The following ZBTB20 variants were observed in gnomAD, a reference collection of about 807,000 sequenced individuals.
ZBTB20 encodes zinc finger and BTB domain containing 20.
ZBTB20 carries 9 observed loss-of-function variants against 56.9 expected under a neutral mutation model. The ratio of observed to expected loss-of-function variants is 0.16; its 90% confidence interval spans 0.10 to 0.28. The LOEUF is 0.28. ZBTB20 is among the 10% of genes least tolerant of loss of function. The probability of loss-of-function intolerance (pLI) is 1.00; values close to 1 mark genes in which losing one functional copy is unlikely to be tolerated. For synonymous variants in ZBTB20, 417 were observed against 420.7 expected (o/e 0.99, Z 0.11); for missense variants, 655 against 1,003.0 (o/e 0.65, Z 4.69).
At chr3:115,045,625 T>A (rs558999966) in intron 2 of ZBTB20, among the ~76,000 whole-genome samples, 1 of 151,622 alleles carries the variant, frequency 6.6e-6, no homozygotes, top group Non-Finnish European at 1.5e-5. Context: ...GTTATAAAGT[T>A]CTTCAGAACA....
chr3:114,716,783 T>C (rs978295885), intron 5 of ZBTB20, among the ~76,000 whole-genome samples: 6 of 152,114 alleles, frequency 3.9e-5, no homozygotes, highest in Admixed American at 3.3e-4. Flanking sequence ...GAACTTAATA[T>C]AGATTTTCAA....
At chr3:114,730,336 G>A (rs1286838340) in intron 5 of ZBTB20, among the ~76,000 whole-genome samples, 1 of 152,100 alleles carries the variant, frequency 6.6e-6, no homozygotes, top group Non-Finnish European at 1.5e-5. Flanking sequence ...TATGGCTTCA[G>A]TATCCTGCAA....
chr3:114,766,108 C>G (rs2068767127), intron 5 of ZBTB20, among the ~76,000 whole-genome samples: 1 of 151,984 alleles, frequency 6.6e-6, no homozygotes, highest in Non-Finnish European at 1.5e-5. Flanking sequence ...GGGTTTGAAT[C>G]TACATAAAAA....
intron 5 of ZBTB20, among the ~76,000 whole-genome samples, chr3:114,786,114 T>G (rs1163760680): frequency 6.6e-6 from 1 of 152,148 alleles, no homozygotes; most frequent in Non-Finnish European, 1.5e-5. Flanking sequence ...CAAGCCATAG[T>G]AGTGAGAAAC....
At chr3:114,467,416 C>A (rs201236711) in intron 7 of ZBTB20, among the ~76,000 whole-genome samples, 1 of 152,064 alleles carries the variant, frequency 6.6e-6, no homozygotes, top group South Asian at 2.1e-4. Context: ...ACAGGAGAAC[C>A]ATAAAAACAG....
chr3:114,376,151 C>T (rs917544156), intron 10 of ZBTB20, among the ~76,000 whole-genome samples: 5 of 152,148 alleles, frequency 3.3e-5, no homozygotes, highest in Admixed American at 1.3e-4. Context: ...AATAGTCTTC[C>T]GTTCCAGGAT....
chr3:114,805,547 C>T (rs1418329587), intron 4 of ZBTB20, among the ~76,000 whole-genome samples: 1 of 151,532 alleles, frequency 6.6e-6, no homozygotes, highest in East Asian at 1.9e-4. Context: ...TAACCTTGGT[C>T]GCTTGCTTAG....
chr3:114,910,091 A>G (rs565595275), intron 3 of ZBTB20, among the ~76,000 whole-genome samples: 1 of 152,098 alleles, frequency 6.6e-6, no homozygotes, highest in South Asian at 2.1e-4. Context: ...AAACAAATCT[A>G]TTTGGACATT....
At chr3:114,483,642 G>C (rs1039728806) in intron 7 of ZBTB20, among the ~76,000 whole-genome samples, 1 of 152,126 alleles carries the variant, frequency 6.6e-6, no homozygotes, top group Admixed American at 6.5e-5. Context: ...AAGACTGAAC[G>C]ATATGTAAGT....
intron 5 of ZBTB20, among the ~76,000 whole-genome samples, chr3:114,695,336 A>G (rs2062940457): frequency 6.6e-6 from 1 of 152,040 alleles, no homozygotes; most frequent in Non-Finnish European, 1.5e-5. Context: ...AAAAAACAGA[A>G]AAATGAGAAA....
intron 3 of ZBTB20, among the ~76,000 whole-genome samples, chr3:114,915,012 C>A (rs189272124): frequency 5.2e-4 from 78 of 151,296 alleles, no homozygotes; most frequent in African/African-American, 1.8e-3. Flanking sequence ...GGGATATTGG[C>A]CTGTGGTTTT....
At chr3:115,017,458 A>C (rs181806651) in intron 2 of ZBTB20, among the ~76,000 whole-genome samples, 37 of 151,860 alleles carry the variant, frequency 2.4e-4, no homozygotes, top group Non-Finnish European at 5.2e-4. Flanking sequence ...CATAGTGCCC[A>C]AAGTAATTTA....
intron 5 of ZBTB20, among the ~76,000 whole-genome samples, chr3:114,750,431 C>T (rs924802969): frequency 6.6e-6 from 1 of 152,036 alleles, no homozygotes; most frequent in South Asian, 2.1e-4. Context: ...TTTTAAAATG[C>T]TTATCTGTAG....
intron 4 of ZBTB20, among the ~76,000 whole-genome samples, chr3:114,887,143 A>G (rs1273999739): frequency 6.6e-6 from 1 of 152,174 alleles, no homozygotes; most frequent in African/African-American, 2.4e-5. Flanking sequence ...CCAGTAATTC[A>G]TTAACCCAAG....
chr3:114,455,774 C>T (rs776686518), intron 7 of ZBTB20, among the ~76,000 whole-genome samples: 1 of 152,140 alleles, frequency 6.6e-6, no homozygotes, highest in Non-Finnish European at 1.5e-5. Flanking sequence ...ATCCTCCTCT[C>T]CCGGGTGCAC....
intron 6 of ZBTB20, among the ~76,000 whole-genome samples, chr3:114,606,056 G>C (rs2057123404): frequency 6.6e-6 from 1 of 152,186 alleles, no homozygotes; most frequent in Non-Finnish European, 1.5e-5. Context: ...GTTCCCAGCA[G>C]AGAACTGTAC....
At chr3:114,445,245 G>T (rs2091198855) in intron 7 of ZBTB20, among the ~76,000 whole-genome samples, 1 of 152,142 alleles carries the variant, frequency 6.6e-6, no homozygotes, top group Non-Finnish European at 1.5e-5. Context: ...AAATTCTACA[G>T]TTAATTATAA....
At chr3:114,639,856 A>G (rs2059463236) in intron 6 of ZBTB20, among the ~76,000 whole-genome samples, 1 of 152,050 alleles carries the variant, frequency 6.6e-6, no homozygotes, top group South Asian at 2.1e-4. Context: ...AGCAAGACAC[A>G]TGGATGGCAC....
In ZBTB20 at chr3:114,319,217, T is replaced by G. The variant is rs1184477020; in HGVS notation, c.*19788A>C. 1 of 151,748 alleles carries G rather than the reference T, an allele frequency of 6.6e-6. No individual in the cohort carries two copies. Among genetic ancestry groups the G allele is most frequent in the African/African-American group, 2.4e-5 (1 of 41,338 alleles). 9.4% of individuals were successfully genotyped at this position (151,748 alleles called of 1,614,324 possible). On this transcript the variant is annotated 3_prime_UTR_variant, in exon 12 of 12. Transcript: ENST00000675478. ...ACAGTCTTGTACCAATAAAATGCATTCAAAAATAGAAAATATTACACAACA... is the reference window on the plus strand; with the variant it reads ...ACAGTCTTGTACCAATAAAATGCATGCAAAAATAGAAAATATTACACAACA...
Sources: gnomAD v4.1 joint callset for allele counts (sites outside exome capture counted in the v4.1 genomes callset) on GRCh38, gnomAD v4.1.1 for gene constraint, MANE v1.5 for transcripts, NCBI Gene and HGNC (gene_info 2026-07-23, HGNC 2026-07-21) for gene names.